NCAPH: variants seen among roughly 807,000 people sequenced by gnomAD.
NCAPH encodes the protein non-SMC condensin I complex subunit H.
In NCAPH, 38 loss-of-function variants were observed where a neutral mutation model predicts 85.5. That is an observed-to-expected ratio of 0.44 (90% CI 0.34 to 0.58). The LOEUF is 0.58. Among genes scored for constraint, NCAPH ranks in the 20% least tolerant of loss-of-function variants. The pLI is 0.01. For missense variants in NCAPH, 789 were observed against 916.6 expected (o/e 0.86, Z 1.80); for synonymous variants, 301 against 335.1 (o/e 0.90, Z 1.11).
chr2:96,358,475 T>TC lies in NCAPH; in HGVS notation c.1209-569dup, dbSNP rs2104467633. ...TGTAGATTCTTACCCAAAGGAATTC[T>TC]CTTTTTTTTTTGAGACGGAGTCTCA... On this transcript the variant is annotated intron_variant, in intron 9 of 17. Transcript: ENST00000240423. Among the ~76,000 whole-genome samples the TC allele has an allele frequency of 2.0e-5, 3 of 152,194 alleles. No homozygotes were observed. In the East Asian group the frequency reaches 5.8e-4, roughly 29 times the overall value.
chr2:96,348,942 C>G (rs531332532), intron 6 of NCAPH, among the ~76,000 whole-genome samples: 1 of 152,208 alleles, frequency 6.6e-6, no homozygotes, highest in African/African-American at 2.4e-5. Flanking sequence ...AGCCACCGCT[C>G]CTGGCCCTTA....
chr2:96,337,380 T>C (rs965507507), intron 1 of NCAPH, among the ~76,000 whole-genome samples: 10 of 152,226 alleles, frequency 6.6e-5, no homozygotes, highest in Non-Finnish European at 1.5e-4. Flanking sequence ...TCTAAAAATG[T>C]CTCTTGCCTC....
chr2:96,341,335 G>C, intron 1 of NCAPH: 1 of 302,540 alleles, frequency 3.3e-6, no homozygotes, highest in Non-Finnish European at 6.2e-6. Context: ...CTGTTGTCCA[G>C]TTTGTGAGCT....
intron 10 of NCAPH, 94 bp downstream of exon 10, chr2:96,359,287 C>T: frequency 6.9e-7 from 1 of 1,458,832 alleles, no homozygotes; most frequent in Non-Finnish European, 9.4e-7. Context: ...CAGTCACAGC[C>T]CTGTTGTGTC....
chr2:96,361,794 G>GTA (rs1342452459), intron 12 of NCAPH, among the ~76,000 whole-genome samples: 8 of 89,862 alleles, frequency 8.9e-5, no homozygotes, highest in South Asian at 3.6e-4. Flanking sequence ...ACATATATAT[G>GTA]TATATATATG....
At chr2:96,356,141 T>C (rs1449295245) in intron 9 of NCAPH, among the ~76,000 whole-genome samples, 5 of 152,222 alleles carry the variant, frequency 3.3e-5, no homozygotes, top group African/African-American at 1.2e-4. Context: ...TCTCCACTTC[T>C]CTCCCCTATT....
At chr2:96,371,744 A>C (rs2064776577) in intron 17 of NCAPH, among the ~76,000 whole-genome samples, 1 of 152,212 alleles carries the variant, frequency 6.6e-6, no homozygotes, top group East Asian at 1.9e-4. Context: ...CACAACAGTT[A>C]CTGTTATAAT....
chr2:96,360,932 A>ATTCT (rs1378189781), intron 12 of NCAPH, among the ~76,000 whole-genome samples: 1 of 152,112 alleles, frequency 6.6e-6, no homozygotes, highest in African/African-American at 2.4e-5. Flanking sequence ...CCTGGCAAGA[A>ATTCT]TGCTGGATAC....
At chr2:96,354,600 C>A (rs1043516476) in intron 9 of NCAPH, among the ~76,000 whole-genome samples, 4 of 152,096 alleles carry the variant, frequency 2.6e-5, no homozygotes, top group Non-Finnish European at 4.4e-5. Context: ...GCCAGGATTT[C>A]AGGTGTGAGC....
At chr2:96,356,132 C>T (rs1019509287) in intron 9 of NCAPH, among the ~76,000 whole-genome samples, 2 of 152,234 alleles carry the variant, frequency 1.3e-5, no homozygotes, top group African/African-American at 4.8e-5. Context: ...GAACAAATGT[C>T]TCCACTTCTC....
intron 5 of NCAPH, among the ~76,000 whole-genome samples, chr2:96,343,546 A>G (rs2064324004): frequency 1.3e-5 from 2 of 152,208 alleles, no homozygotes. Context: ...GGTTGTGTAA[A>G]CATCACCAAC....
intron 11 of NCAPH, 120 bp from the exon 12 acceptor site, chr2:96,360,468 A>G (rs948896782): frequency 2.5e-6 from 3 of 1,203,988 alleles, no homozygotes; most frequent in African/African-American, 3.1e-5. Context: ...TTTTACATAG[A>G]ACTGTGAGAC....
At chr2:96,368,202 G>A (rs4907312) in intron 15 of NCAPH, among the ~76,000 whole-genome samples, 39,194 of 152,044 alleles carry the variant, frequency 0.26, 6,068 homozygotes, top group South Asian at 0.66. Context: ...CCCTGAGCTG[G>A]GTATCAGAGA....
At chr2:96,351,729 C>A in intron 6 of NCAPH, 102 bp from the exon 7 acceptor site, 1 of 885,504 alleles carries the variant, frequency 1.1e-6, no homozygotes, top group African/African-American at 1.7e-5. Context: ...TATTTCAGTC[C>A]AGTGTATATA....
intron 12 of NCAPH, among the ~76,000 whole-genome samples, chr2:96,362,622 ACT>A (rs927390032): frequency 1.6e-4 from 24 of 152,014 alleles, no homozygotes; most frequent in African/African-American, 5.6e-4. Context: ...ACAGAGCAAG[ACT>A]CTGTCTCAAA....
intron 1 of NCAPH, among the ~76,000 whole-genome samples, 165 bp downstream of exon 1, chr2:96,336,013 C>T (rs747651667): frequency 6.8e-6 from 1 of 147,320 alleles, no homozygotes; most frequent in Non-Finnish European, 1.5e-5. Context: ...AGGGGAGGGC[C>T]GGCGCGGGGC....
intron 14 of NCAPH, among the ~76,000 whole-genome samples, chr2:96,366,415 TATC>T (rs1266879672): frequency 1.3e-5 from 2 of 152,256 alleles, no homozygotes; most frequent in African/African-American, 4.8e-5. Flanking sequence ...TGTATTAAAT[TATC>T]ATGTATTAAA....
At chr2:96,350,638 ATG>A (rs2064427666) in intron 6 of NCAPH, among the ~76,000 whole-genome samples, 1 of 152,122 alleles carries the variant, frequency 6.6e-6, no homozygotes. Context: ...GGATGGGAGA[ATG>A]TGGAGATGAC....
intron 6 of NCAPH, 146 bp from the exon 7 acceptor site, chr2:96,351,685 A>AAG: frequency 1.6e-6 from 1 of 633,762 alleles, no homozygotes; most frequent in Non-Finnish European, 2.4e-6. Context: ...AAAAAAAAAA[A>AAG]CAAAAACAAA....
Sources: gnomAD v4.1 joint callset for allele counts (sites outside exome capture counted in the v4.1 genomes callset) on GRCh38, gnomAD v4.1.1 for gene constraint, MANE v1.5 for transcripts, NCBI Gene and HGNC (gene_info 2026-07-23, HGNC 2026-07-21) for gene names.